SIGLEC9: variants seen among roughly 807,000 people sequenced by gnomAD.
SIGLEC9 encodes sialic acid-binding Ig-like lectin 9.
A neutral mutation model predicts 38.3 loss-of-function variants in SIGLEC9; 26 were observed. That is an observed-to-expected ratio of 0.68 (90% CI 0.50 to 0.94). SIGLEC9 has a LOEUF of 0.94. Ranked by LOEUF, SIGLEC9 falls within the 40% of genes least tolerant of loss-of-function variation. The pLI is 0.00. For synonymous variants in SIGLEC9, 236 were observed against 248.0 expected (o/e 0.95, Z 0.45); for missense variants, 556 against 585.7 (o/e 0.95, Z 0.52).
At chr19:51,121,875 G>C (rs1299759236), upstream of SIGLEC9, among the ~76,000 whole-genome samples, 1 of 151,844 alleles carries the variant, frequency 6.6e-6, no homozygotes, top group Admixed American at 6.6e-5. Context: ...GATCTGAGCC[G>C]CCGCACCCAG....
chr19:51,121,763 T>C (rs1467390166), upstream of SIGLEC9, among the ~76,000 whole-genome samples: 1 of 152,048 alleles, frequency 6.6e-6, no homozygotes, highest in Admixed American at 6.6e-5. Flanking sequence ...ATTTTTGTAC[T>C]TTTAGTAGAA....
At chr19:51,132,008 C>G (rs573404065), downstream of SIGLEC9, among the ~76,000 whole-genome samples, 1 of 151,932 alleles carries the variant, frequency 6.6e-6, no homozygotes, top group Non-Finnish European at 1.5e-5. Flanking sequence ...CCAGTGTTGG[C>G]GGTGGGGCCA....
In SIGLEC9 at chr19:51,125,024, G is replaced by C. The variant is rs1465943706; in HGVS notation, c.50G>C (p.Gly17Ala). 1.2e-6 allele frequency: 2 copies of C among 1,613,526 alleles called. No individual in the cohort carries two copies. Among genetic ancestry groups the C allele is most frequent in the Admixed American group, 1.7e-5 (1 of 60,004 alleles). ...CTCTGGGGGAGGGAGAGGGCGGAAG[G>C]ACAGACAAGTAAACTGCTGACGATG... ...PLLWGRERAE[G>A]QTSKLLTMQS... is the part of the protein sequence containing the mutation. The change falls in exon 1 of 7, where the codon GGA (glycine) becomes GCA (alanine). Residue 17 changes from glycine (G) to alanine (A), a missense_variant. Physicochemically the swap from Gly to Ala is moderately conservative, Grantham distance 60 (BLOSUM62 0). Coordinates refer to ENST00000250360, the MANE Select transcript of SIGLEC9 (RefSeq NM_014441.3).
At chr19:51,126,017 G>A in intron 2 of SIGLEC9, 64 bp from the exon 3 acceptor site, 1 of 1,591,536 alleles carries the variant, frequency 6.3e-7, no homozygotes. Flanking sequence ...GGCTCCTGGG[G>A]ACAGACAGGG....
In SIGLEC9 at chr19:51,127,046, A is replaced by G. The variant is rs956563630; in HGVS notation, c.765A>G (p.Gly255=). 1 of 1,613,936 alleles carries G rather than the reference A, an allele frequency of 6.2e-7. No individual in the cohort carries two copies. The highest frequency in any genetic ancestry group is 8.5e-7 in the Non-Finnish European group (1 of 1,179,950). ...QGDGTVSTVL[G]NGSSLSLPEG... ...TTTCTACAGTATCCACAGTCTTGGG[A>G]AATGGCTCATCTCTGTCACTCCCAG... Residue 255 remains glycine (G), a synonymous_variant, in exon 4 of 7, where the codon GGA becomes GGG. Coordinates refer to ENST00000250360, the MANE Select transcript of SIGLEC9 (RefSeq NM_014441.3).
Position 51,129,990 on chromosome 19 carries a change from T to C in SIGLEC9, c.1303T>C (p.Ser435Pro). Residue 435 changes from serine (S) to proline (P), a missense_variant, in exon 7 of 7, where the codon TCC becomes CCC. By Grantham distance (74) the Ser-to-Pro change is moderately conservative. Coordinates refer to ENST00000250360, the MANE Select transcript of SIGLEC9 (RefSeq NM_014441.3). ...GGGGGAAGGAGAGCTCCAGTATGCA[T>C]CCCTCAGCTTCCAGATGGTGAAGCC... ...SVGEGELQYA[S>P]LSFQMVKPWD... is the part of the protein sequence containing the mutation. 1 of 1,614,010 alleles carries C rather than the reference T, an allele frequency of 6.2e-7. No individual in the cohort carries two copies. The highest frequency in any genetic ancestry group is 8.5e-7 in the Non-Finnish European group (1 of 1,179,952).
downstream of SIGLEC9, among the ~76,000 whole-genome samples, chr19:51,130,838 C>G (rs1313153365): frequency 1.3e-5 from 2 of 152,232 alleles, no homozygotes. Context: ...CCCACTGGTC[C>G]CTCTGGTCTT....
At chr19:51,126,264 CT>C in intron 3 of SIGLEC9, 136 bp downstream of exon 3, 1 of 863,314 alleles carries the variant, frequency 1.2e-6, no homozygotes, top group Non-Finnish European at 1.9e-6. Flanking sequence ...CCTCTGTATC[CT>C]TAGGCCCCAA....
At chr19:51,123,438 C>T (rs2091955536), upstream of SIGLEC9, among the ~76,000 whole-genome samples, 1 of 152,220 alleles carries the variant, frequency 6.6e-6, no homozygotes, top group African/African-American at 2.4e-5. Context: ...CCCTGCAGAA[C>T]AGATGCAGGA....
upstream of SIGLEC9, among the ~76,000 whole-genome samples, chr19:51,124,503 C>T (rs1008446904): frequency 6.6e-6 from 1 of 151,966 alleles, no homozygotes; most frequent in Non-Finnish European, 1.5e-5. Context: ...CCACCTCGTG[C>T]TTGCTTGGGG....
chr19:51,125,820 G>T lies in SIGLEC9; in HGVS notation c.645G>T (p.Val215=). The change falls in exon 2 of 7, where the codon GTG becomes GTT. Residue 215 remains valine (V), a synonymous_variant. Coordinates refer to ENST00000250360, the MANE Select transcript of SIGLEC9 (RefSeq NM_014441.3). ...QDHGTSLTCQ[V]TFPGASVTTN... ...ATGGCACCAGCCTCACCTGTCAGGT[G>T]ACCTTCCCTGGGGCCAGCGTGACCA... The T allele has an allele frequency of 1.9e-6, 3 of 1,614,160 alleles. No homozygotes were observed. The highest frequency in any genetic ancestry group is 1.7e-6 in the Non-Finnish European group (2 of 1,180,022).
In SIGLEC9 at chr19:51,127,189, G is replaced by A. The variant is rs2122844793; in HGVS notation, c.908G>A (p.Gly303Glu). ...TGCCCCTCACAGCCCTCAAACCCGG[G>A]GGTGCTGGAGCTGCCTTGGGTGCAC... ...TLCPSQPSNP[G>E]VLELPWVHLR... Residue 303 changes from glycine (G) to glutamate (E), a missense_variant, in exon 4 of 7, where the codon GGG (glycine) becomes GAG (glutamate). By Grantham distance (98) the Gly-to-Glu change is moderately conservative. Transcript: ENST00000250360. 2 of 1,614,208 alleles carry A rather than the reference G, an allele frequency of 1.2e-6. No homozygotes were observed. The highest frequency in any genetic ancestry group is 2.2e-5 in the East Asian group (1 of 44,880).
chr19:51,127,238 C>T lies in SIGLEC9; in HGVS notation c.957C>T (p.Thr319=), dbSNP rs754188756. 8 of 1,614,162 alleles carry T rather than the reference C, an allele frequency of 5.0e-6. No homozygotes were observed. The highest frequency in any genetic ancestry group is 6.8e-6 in the Non-Finnish European group (8 of 1,179,980). ...ACCTGAGGGATGCAGCTGAATTCAC[C>T]TGCAGAGCTCAGAACCCTCTCGGCT... is the stretch of plus-strand genomic sequence containing the variant. ...WVHLRDAAEF[T]CRAQNPLGSQ... Residue 319 remains threonine, a synonymous_variant, in exon 4 of 7, where the codon ACC becomes ACT. Coordinates refer to ENST00000250360, the MANE Select transcript of SIGLEC9 (RefSeq NM_014441.3).
downstream of SIGLEC9, among the ~76,000 whole-genome samples, chr19:51,134,153 T>TC (rs1482452257): frequency 1.1e-4 from 13 of 122,422 alleles, no homozygotes; most frequent in Admixed American, 7.2e-4. Context: ...TTTTCTTTTT[T>TC]TTTTTTTTTT....
At chr19:51,128,347 G>A in intron 5 of SIGLEC9, 67 bp from the exon 6 acceptor site, 1 of 1,544,496 alleles carries the variant, frequency 6.5e-7, no homozygotes, top group Non-Finnish European at 8.9e-7. Context: ...AACACATGGG[G>A]GTACCTGGTC....
chr19:51,125,661 G>T lies in SIGLEC9; in HGVS notation c.486G>T (p.Leu162=), dbSNP rs778662994. The change falls in exon 2 of 7, where the codon CTG becomes CTT. Residue 162 remains leucine, a synonymous_variant. Coordinates refer to ENST00000250360, the MANE Select transcript of SIGLEC9 (RefSeq NM_014441.3). ...TGGAGTCCGGCTGCCCCCAGAATCTGACCTGCTCTGTGCCCTGGGCCTGTG... is the reference window on the plus strand; with the variant it reads ...TGGAGTCCGGCTGCCCCCAGAATCTTACCTGCTCTGTGCCCTGGGCCTGTG... The part of the protein sequence containing the change: ...GTLESGCPQN[L]TCSVPWACEQ... 3 of 1,613,568 alleles carry T rather than the reference G, an allele frequency of 1.9e-6. No individual in the cohort carries two copies. In the African/African-American group the frequency reaches 4.0e-5, roughly 22 times the overall value.
upstream of SIGLEC9, among the ~76,000 whole-genome samples, chr19:51,124,398 C>T (rs1037997372): frequency 1.3e-5 from 2 of 152,146 alleles, no homozygotes; most frequent in Non-Finnish European, 2.9e-5. Context: ...ACAGCTCAGA[C>T]GTCAGGAGCC....
In SIGLEC9 at chr19:51,130,101, G is replaced by C; in HGVS notation, c.*22G>C. ...ATGAGAAACTGCAGAGACTCACCCT[G>C]ATTGAGGGATCACAGCCCCTCCAGG... On this transcript the variant is annotated 3_prime_UTR_variant, in exon 7 of 7. Transcript: ENST00000250360. 6.3e-7 allele frequency: 1 copy of C among 1,583,836 alleles called. No individual in the cohort carries two copies. Among genetic ancestry groups the C allele is most frequent in the African/African-American group, 1.3e-5 (1 of 74,146 alleles).
upstream of SIGLEC9, among the ~76,000 whole-genome samples, chr19:51,121,582 CTTTTTTT>C (rs374127142): frequency 1.6e-5 from 2 of 123,796 alleles, no homozygotes; most frequent in South Asian, 2.6e-4. Flanking sequence ...CCTTTGCTGT[CTTTTTTT>C]TTTTTTTTTT....
Sources: gnomAD v4.1 joint callset for allele counts (sites outside exome capture counted in the v4.1 genomes callset) on GRCh38, gnomAD v4.1.1 for gene constraint, MANE v1.5 for transcripts, NCBI Gene and HGNC (gene_info 2026-07-23, HGNC 2026-07-21) for gene names.